Variants in GNA14 observed in about 807,000 individuals in gnomAD.
The protein encoded by GNA14 is G protein subunit alpha 14.
A neutral mutation model predicts 42.0 loss-of-function variants in GNA14; 50 were observed. The ratio of observed to expected loss-of-function variants is 1.19; its 90% CI spans 0.95 to 1.51. The LOEUF (loss-of-function observed/expected upper bound fraction) is 1.51, where lower values mean the gene tolerates loss of function less well. GNA14 is among the 40% of genes most tolerant of loss of function. The pLI is 0.00. For synonymous variants in GNA14, 173 were observed against 163.1 expected (o/e 1.06, Z -0.46); for missense variants, 473 against 446.2 (o/e 1.06, Z -0.54).
chr9:77,548,648 C>T (rs897563453), intron 1 of GNA14, among the ~76,000 whole-genome samples: 1 of 152,180 alleles, frequency 6.6e-6, no homozygotes, highest in African/African-American at 2.4e-5. Flanking sequence ...CTTCATTGTT[C>T]TCATTTGTCT....
chr9:77,508,283 T>C (rs1377798373), intron 2 of GNA14, among the ~76,000 whole-genome samples: 2 of 152,204 alleles, frequency 1.3e-5, no homozygotes, highest in Non-Finnish European at 2.9e-5. Flanking sequence ...AAAAAAATGA[T>C]TTGTGGCATT....
At chr9:77,544,369 T>C (rs1837694457) in intron 1 of GNA14, among the ~76,000 whole-genome samples, 1 of 152,136 alleles carries the variant, frequency 6.6e-6, no homozygotes, top group African/African-American at 2.4e-5. Flanking sequence ...AGATAAAATA[T>C]TAGTGATTCT....
chr9:77,505,199 T>C (rs1389856016), intron 2 of GNA14, among the ~76,000 whole-genome samples: 3 of 152,170 alleles, frequency 2.0e-5, no homozygotes, highest in Non-Finnish European at 4.4e-5. Context: ...GGTGAATAAA[T>C]AATATATATT....
intron 2 of GNA14, among the ~76,000 whole-genome samples, chr9:77,470,129 C>T (rs1836305319): frequency 6.6e-6 from 1 of 152,034 alleles, no homozygotes; most frequent in African/African-American, 2.4e-5. Flanking sequence ...CCTCTGGAGG[C>T]GGAGAATGCT....
At chr9:77,590,260 A>G (rs1823370835) in intron 1 of GNA14, among the ~76,000 whole-genome samples, 1 of 152,076 alleles carries the variant, frequency 6.6e-6, no homozygotes, top group African/African-American at 2.4e-5. Flanking sequence ...TCATTTTCCT[A>G]ACCTTTGTGA....
chr9:77,469,365 TAAAAA>T (rs10537760), intron 2 of GNA14, among the ~76,000 whole-genome samples: 36 of 116,916 alleles, frequency 3.1e-4, no homozygotes, highest in Non-Finnish European at 4.2e-4. Flanking sequence ...TAAACTGTGT[TAAAAA>T]AAAAAAAAAA....
At chr9:77,445,011 T>C (rs1835792297) in intron 2 of GNA14, among the ~76,000 whole-genome samples, 1 of 152,140 alleles carries the variant, frequency 6.6e-6, no homozygotes, top group South Asian at 2.1e-4. Context: ...TGAGTAGGAA[T>C]GACAACAGAG....
intron 1 of GNA14, among the ~76,000 whole-genome samples, chr9:77,554,866 CT>C (rs1159643464): frequency 5.9e-5 from 9 of 152,094 alleles, no homozygotes; most frequent in Non-Finnish European, 1.3e-4. Flanking sequence ...GCTGAGTTTT[CT>C]TTTTTTAAAT....
intron 2 of GNA14, among the ~76,000 whole-genome samples, chr9:77,472,528 A>C (rs1453686340): frequency 2.0e-5 from 3 of 152,176 alleles, no homozygotes; most frequent in African/African-American, 7.2e-5. Flanking sequence ...AGAAAATCCT[A>C]AGAAATACAT....
chr9:77,646,680 G>A (rs1480391507), intron 1 of GNA14, among the ~76,000 whole-genome samples: 2 of 152,214 alleles, frequency 1.3e-5, no homozygotes, highest in Admixed American at 1.3e-4. Context: ...AAGAAAAAAA[G>A]TTGAAATCTT....
chr9:77,521,300 A>G (rs1254717029), intron 2 of GNA14, among the ~76,000 whole-genome samples: 1 of 152,236 alleles, frequency 6.6e-6, no homozygotes, highest in Non-Finnish European at 1.5e-5. Context: ...ACCTTGGGCT[A>G]CGGCCAAAGT....
chr9:77,432,825 C>A (rs993065634), intron 3 of GNA14, among the ~76,000 whole-genome samples: 1 of 152,150 alleles, frequency 6.6e-6, no homozygotes, highest in Non-Finnish European at 1.5e-5. Flanking sequence ...AATCCCCAGG[C>A]CTTCACAGAG....
At chr9:77,501,471 C>A (rs1420099841) in intron 2 of GNA14, among the ~76,000 whole-genome samples, 1 of 152,118 alleles carries the variant, frequency 6.6e-6, no homozygotes, top group Non-Finnish European at 1.5e-5. Context: ...TATTGAGGAT[C>A]ATTTCATGGA....
At chr9:77,431,022 A>AC (rs1564011639) in intron 4 of GNA14, among the ~76,000 whole-genome samples, 2 of 34,328 alleles carry the variant, frequency 5.8e-5, no homozygotes, top group Admixed American at 4.3e-4. Context: ...AGAAGTATAC[A>AC]TTTGTGTGTG....
intron 5 of GNA14, among the ~76,000 whole-genome samples, chr9:77,428,078 TTTTTC>T (rs1835480807): frequency 6.8e-6 from 1 of 146,062 alleles, no homozygotes; most frequent in Admixed American, 6.7e-5. Context: ...TTTCTTTTTT[TTTTTC>T]TTTTTTTTTT....
At chr9:77,565,833 A>T (rs1398332854) in intron 1 of GNA14, among the ~76,000 whole-genome samples, 2 of 152,212 alleles carry the variant, frequency 1.3e-5, no homozygotes, top group Non-Finnish European at 2.9e-5. Flanking sequence ...CTATTGAATG[A>T]GTCTGCTCCA....
chr9:77,602,490 G>C (rs1414682772), intron 1 of GNA14, among the ~76,000 whole-genome samples: 1 of 152,074 alleles, frequency 6.6e-6, no homozygotes, highest in African/African-American at 2.4e-5. Flanking sequence ...CTGTCAACTA[G>C]AATATTACCC....
In GNA14 at chr9:77,630,112, G is replaced by GT. The variant is rs138576637; in HGVS notation, c.124+17557dup. ...TATGGTTTTGTGGGGTTTGTTTTTT[G>GT]TTTTTTTTTTTTTTGACAGAGTTTT... On this transcript the variant is annotated intron_variant, in intron 1 of 6. Transcript: ENST00000341700. 6.9e-3 allele frequency among the ~76,000 whole-genome samples: 962 copies of GT among 139,722 alleles called. 2 individuals are homozygous for GT. The highest frequency in any genetic ancestry group is 8.6e-3 in the East Asian group (41 of 4,786). 91.7% of individuals were successfully genotyped at this position (139,722 alleles called of 152,430 possible). A position where few individuals can be genotyped will look rare whatever the true frequency, so the allele number is the denominator to read the frequency against.
intron 2 of GNA14, among the ~76,000 whole-genome samples, chr9:77,453,135 G>A (rs1835944922): frequency 1.3e-5 from 2 of 152,040 alleles, no homozygotes; most frequent in African/African-American, 4.8e-5. Context: ...GCAAGACCCT[G>A]TTCCTGAAAA....
Sources: gnomAD v4.1 joint callset for allele counts (sites outside exome capture counted in the v4.1 genomes callset) on GRCh38, gnomAD v4.1.1 for gene constraint, MANE v1.5 for transcripts, NCBI Gene and HGNC (gene_info 2026-07-23, HGNC 2026-07-21) for gene names.